Variants in PTGER2 observed in about 807,000 individuals in gnomAD.
PTGER2 encodes prostaglandin E receptor 2.
Under a neutral mutation model 26.2 loss-of-function variants are expected in PTGER2, and 22 were observed. The ratio of observed to expected loss-of-function variants is 0.84; its 90% CI spans 0.60 to 1.20. The LOEUF is 1.20. Ranked by LOEUF, PTGER2 falls within the 50% of genes most tolerant of loss-of-function variation. PTGER2 has a pLI of 0.00. For missense variants in PTGER2, 458 were observed against 475.2 expected (o/e 0.96, Z 0.34); for synonymous variants, 219 against 208.9 (o/e 1.05, Z -0.42).
At chr14:52,316,450 A>T (rs1422216330) in intron 1 of PTGER2, among the ~76,000 whole-genome samples, 1 of 152,162 alleles carries the variant, frequency 6.6e-6, no homozygotes, top group East Asian at 1.9e-4. Flanking sequence ...GAGTTGTGGC[A>T]ACTCCACTTC....
intron 1 of PTGER2, among the ~76,000 whole-genome samples, chr14:52,317,059 GAAAGAAAGCATTTCAAGTTCC>G (rs1428907154): frequency 6.6e-6 from 1 of 152,200 alleles, no homozygotes; most frequent in Non-Finnish European, 1.5e-5. Flanking sequence ...ATATATCTAT[GAAAGAAAGCATTTCAAGTTCC>G]ACCAAACAGC....
chr14:52,324,196 A>G (rs751281093), intron 1 of PTGER2, among the ~76,000 whole-genome samples: 9 of 152,200 alleles, frequency 5.9e-5, no homozygotes, highest in Non-Finnish European at 1.3e-4. Context: ...AAACACAGAC[A>G]TGGTGGACCA....
At chr14:52,322,214 G>T (rs183428949) in intron 1 of PTGER2, among the ~76,000 whole-genome samples, 2 of 152,154 alleles carry the variant, frequency 1.3e-5, no homozygotes, top group Non-Finnish European at 2.9e-5. Flanking sequence ...GCCGCTGGGG[G>T]TGACATCACA....
intron 1 of PTGER2, 77 bp from the exon 2 acceptor site, chr14:52,327,144 A>G (rs1353030634): frequency 1.7e-5 from 19 of 1,086,804 alleles, no homozygotes; most frequent in Non-Finnish European, 2.5e-5. Flanking sequence ...TTAAATCTCA[A>G]GACATAACAT....
At chr14:52,321,673 A>G (rs559852125) in intron 1 of PTGER2, among the ~76,000 whole-genome samples, 77 of 152,354 alleles carry the variant, frequency 5.1e-4, no homozygotes, top group Non-Finnish European at 1.0e-3. Flanking sequence ...AATTCTATGC[A>G]AAGTAACTGA....
intron 1 of PTGER2, among the ~76,000 whole-genome samples, chr14:52,325,782 A>G (rs708498): frequency 0.7 from 106,453 of 152,118 alleles, 39,170 homozygotes; most frequent in Non-Finnish European, 0.84. Flanking sequence ...ATTCTCCGGC[A>G]TAAACACCTA....
intron 1 of PTGER2, among the ~76,000 whole-genome samples, chr14:52,322,622 T>G (rs1244634835): frequency 6.6e-6 from 1 of 152,122 alleles, no homozygotes; most frequent in Non-Finnish European, 1.5e-5. Flanking sequence ...CTAGTAAGCC[T>G]GAGGGTACTG....
intron 1 of PTGER2, among the ~76,000 whole-genome samples, chr14:52,325,354 C>T (rs562657480): frequency 2.6e-5 from 4 of 152,194 alleles, no homozygotes; most frequent in Non-Finnish European, 5.9e-5. Context: ...AAACCTGACT[C>T]ATCTTAATGT....
rs146696779 is a variant in PTGER2 at position 52,314,788 on chromosome 14, C to G, written c.240C>G (p.Leu80=). Residue 80 remains leucine (L), a synonymous_variant, in exon 1 of 2, where the codon CTC becomes CTG. Coordinates refer to ENST00000245457, the MANE Select transcript of PTGER2 (RefSeq NM_000956.4). This position sits in a 1 kb window ranked among gnomAD's most constrained non-coding sequence, Gnocchi z 5.7. The stretch of plus-strand genomic sequence containing the variant: ...CCGAGCTGGTGTTCACCGACCTGCT[C>G]GGGACCTGCCTCATCAGCCCAGTGG... ...LVTELVFTDL[L]GTCLISPVVL... The G allele has an allele frequency of 4.3e-6, 7 of 1,612,016 alleles. No individual in the cohort carries two copies. Among genetic ancestry groups the G allele is most frequent in the Non-Finnish European group, 5.9e-6 (7 of 1,179,284 alleles).
chr14:52,326,524 C>T (rs1030396098), intron 1 of PTGER2, among the ~76,000 whole-genome samples: 3 of 152,140 alleles, frequency 2.0e-5, no homozygotes, highest in African/African-American at 7.2e-5. Context: ...TATTATCACC[C>T]ATTTTAAAGA....
At chr14:52,320,342 A>G (rs900709775) in intron 1 of PTGER2, among the ~76,000 whole-genome samples, 1 of 152,216 alleles carries the variant, frequency 6.6e-6, no homozygotes, top group African/African-American at 2.4e-5. Context: ...AAACAGAAAG[A>G]ACCTTAGTTC....
At chr14:52,324,910 A>G (rs531562281) in intron 1 of PTGER2, among the ~76,000 whole-genome samples, 1 of 152,290 alleles carries the variant, frequency 6.6e-6, no homozygotes, top group Non-Finnish European at 1.5e-5. Context: ...AGGCCAAGGC[A>G]GGCAGATCAC....
At chr14:52,327,185 A>G (rs762022718) in intron 1 of PTGER2, 36 bp from the exon 2 acceptor site, 2 of 1,448,954 alleles carry the variant, frequency 1.4e-6, no homozygotes, top group South Asian at 1.2e-5. Context: ...GCTACGATGT[A>G]AAACTAACAT....
At chr14:52,326,813 G>T (rs1809038621) in intron 1 of PTGER2, among the ~76,000 whole-genome samples, 1 of 152,050 alleles carries the variant, frequency 6.6e-6, no homozygotes, top group Admixed American at 6.5e-5. Flanking sequence ...GATAAAGCGG[G>T]GTTAGTACCC....
rs1566497785 is a variant in PTGER2, at chr14:52,327,202, T to C, written c.844-19T>C. 2.0e-6 allele frequency: 3 copies of C among 1,511,634 alleles called. No individual in the cohort carries two copies. In the South Asian group the frequency reaches 3.4e-5, roughly 17 times the overall value. 93.6% of individuals were successfully genotyped at this position (1,511,634 alleles called of 1,614,324 possible). On this transcript the variant is annotated intron_variant, in intron 1 of 1. Coordinates refer to ENST00000245457, the MANE Select transcript of PTGER2 (RefSeq NM_000956.4). ...TACGATGTAAAACTAACATCATTTT[T>C]CCCCTTTGCTTCTTACAGATTTTTG... is the stretch of plus-strand genomic sequence containing the variant.
intron 1 of PTGER2, among the ~76,000 whole-genome samples, chr14:52,324,896 C>T (rs888404461): frequency 3.3e-5 from 5 of 152,002 alleles, no homozygotes; most frequent in Admixed American, 1.3e-4. Flanking sequence ...CCCAGCACTT[C>T]GGGAGGCCAA....
Position 52,327,237 on chromosome 14 carries a change from A to G in PTGER2, c.860A>G (p.Asn287Ser), listed in dbSNP as rs755641239. 16 of 1,605,308 alleles carry G rather than the reference A, an allele frequency of 1.0e-5. No individual in the cohort carries two copies. The highest frequency in any genetic ancestry group is 2.6e-6 in the Non-Finnish European group (3 of 1,172,898). ...TTCTTACAGATTTTTGCATATATGA[A>G]TGAAACCTCTTCCCGAAAGGAAAAA... ...SLPFTIFAYMNETSSRKEKWD... is the reference protein window; with the variant it reads ...SLPFTIFAYMSETSSRKEKWD... Residue 287 changes from asparagine to serine, a missense_variant, in exon 2 of 2, where the codon AAT becomes AGT. Physicochemically the swap from Asn to Ser is conservative, Grantham distance 46. Transcript: ENST00000245457.
chr14:52,317,177 A>T (rs1002500475), intron 1 of PTGER2, among the ~76,000 whole-genome samples: 1 of 152,146 alleles, frequency 6.6e-6, no homozygotes, highest in Non-Finnish European at 1.5e-5. Flanking sequence ...TTAGGGTTTT[A>T]TCTGTCATTT....
chr14:52,315,687 G>C (rs1170791235), intron 1 of PTGER2, among the ~76,000 whole-genome samples: 1 of 152,174 alleles, frequency 6.6e-6, no homozygotes, highest in Non-Finnish European at 1.5e-5. Context: ...GCCCTGGGCA[G>C]TGTCCCTTTC....
Sources: gnomAD v4.1 joint callset for allele counts (sites outside exome capture counted in the v4.1 genomes callset) on GRCh38, gnomAD v4.1.1 for gene constraint, Gnocchi (gnomAD v3.1) non-coding constraint, MANE v1.5 for transcripts, NCBI Gene and HGNC (gene_info 2026-07-23, HGNC 2026-07-21) for gene names.